HK1: variants seen among roughly 807,000 people sequenced by gnomAD.
HK1 encodes hexokinase-1.
A neutral mutation model predicts 91.6 loss-of-function variants in HK1; 28 were observed. The ratio of observed to expected loss-of-function variants is 0.31; its 90% CI spans 0.23 to 0.42. The LOEUF (loss-of-function observed/expected upper bound fraction) is 0.42, where lower values mean the gene tolerates loss of function less well. HK1 is among the 10% of genes least tolerant of loss of function. The probability of loss-of-function intolerance (pLI) is 1.00; values close to 1 mark genes in which losing one functional copy is unlikely to be tolerated. For missense variants in HK1, 770 were observed against 1,219.8 expected (o/e 0.63, Z 5.49); for synonymous variants, 430 against 468.1 (o/e 0.92, Z 1.05).
At chr10:69,317,978 G>A, upstream of HK1, 2 of 895,542 alleles carry the variant, frequency 2.2e-6, no homozygotes, top group Non-Finnish European at 1.3e-6. Context: ...ACCTGGGAAG[G>A]GGCGCTGAAC....
At chr10:69,295,565 C>G in intron 3 of HK1, 1 of 1,015,214 alleles carries the variant, frequency 9.9e-7, no homozygotes, top group South Asian at 1.3e-5. Context: ...TTATAAGCAT[C>G]AATATGTTGT....
intron 2 of HK1, among the ~76,000 whole-genome samples, chr10:69,285,378 T>C (rs1197862440): frequency 2.0e-5 from 3 of 151,940 alleles, no homozygotes; most frequent in South Asian, 2.1e-4. Context: ...AAGCCGAGAT[T>C]GCGCCACTGC....
intron 2 of HK1, among the ~76,000 whole-genome samples, chr10:69,351,147 C>G (rs1848841409): frequency 1.3e-5 from 2 of 151,376 alleles, no homozygotes; most frequent in Non-Finnish European, 2.9e-5. Flanking sequence ...TGCACTCCAG[C>G]CTGGGCGACA....
In HK1 at chr10:69,369,669, G is replaced by A. The variant is rs746394200; in HGVS notation, c.875+45G>A. 9 of 1,536,482 alleles carry A rather than the reference G, an allele frequency of 5.9e-6. No homozygotes were observed. The highest frequency in any genetic ancestry group is 8.1e-6 in the Non-Finnish European group (9 of 1,117,624). On this transcript the variant is annotated intron_variant, in intron 7 of 17. Coordinates refer to ENST00000359426, the MANE Select transcript of HK1 (RefSeq NM_000188.3). The surrounding 1 kb of genome is among the most constrained non-coding windows in gnomAD (Gnocchi z 4.4). The stretch of plus-strand genomic sequence containing the variant: ...TTCTAACCACATATGTGAGTTAGGG[G>A]ACATTTGATGAAAGATTTGGGATGG...
At chr10:69,348,324 T>C (rs1436828522) in intron 2 of HK1, among the ~76,000 whole-genome samples, 1 of 152,208 alleles carries the variant, frequency 6.6e-6, no homozygotes, top group East Asian at 1.9e-4. Context: ...TGTTTTCCAG[T>C]CAACGGAAGG....
chr10:69,374,050 C>T (rs1850156502), intron 7 of HK1, among the ~76,000 whole-genome samples: 1 of 152,212 alleles, frequency 6.6e-6, no homozygotes, highest in African/African-American at 2.4e-5. Flanking sequence ...ACAGCAAACG[C>T]TGGTGGTTGG....
chr10:69,386,631 A>G (rs888025748), intron 13 of HK1: 2 of 410,582 alleles, frequency 4.9e-6, no homozygotes, highest in South Asian at 2.1e-5. Flanking sequence ...AAGTTACACA[A>G]ATTAGCCAGG....
At chr10:69,308,698 C>T (rs746643707) in intron 5 of HK1, among the ~76,000 whole-genome samples, 9 of 152,094 alleles carry the variant, frequency 5.9e-5, no homozygotes, top group Non-Finnish European at 1.2e-4. Context: ...GGCTACCTGC[C>T]TTTAGTTTTG....
At chr10:69,361,843 G>A (rs1849439471) in intron 3 of HK1, among the ~76,000 whole-genome samples, 3 of 152,004 alleles carry the variant, frequency 2.0e-5, no homozygotes, top group Admixed American at 2.0e-4. Flanking sequence ...TTAAGACGGA[G>A]TTTTACTCTT....
chr10:69,298,585 G>A (rs1845689240), intron 4 of HK1, among the ~76,000 whole-genome samples: 1 of 151,704 alleles, frequency 6.6e-6, no homozygotes, highest in African/African-American at 2.4e-5. Flanking sequence ...TATGATTTGT[G>A]CCCCTGCACC....
chr10:69,303,855 AT>A (rs1370723342), intron 5 of HK1, among the ~76,000 whole-genome samples: 5 of 152,098 alleles, frequency 3.3e-5, no homozygotes, highest in Non-Finnish European at 5.9e-5. Context: ...GCATTTGGGG[AT>A]TGGAGTTTTA....
Position 69,368,601 on chromosome 10 carries a change from A to G in HK1, c.561A>G (p.Lys187=), listed in dbSNP as rs985488975. The G allele has an allele frequency of 1.2e-6, 2 of 1,614,008 alleles. No individual in the cohort carries two copies. Among genetic ancestry groups the G allele is most frequent in the Non-Finnish European group, 1.7e-6 (2 of 1,179,956 alleles). The change falls in exon 5 of 18, where the codon AAA becomes AAG. Residue 187 remains lysine (K), a synonymous_variant. Coordinates refer to ENST00000359426, the MANE Select transcript of HK1 (RefSeq NM_000188.3). ...GAGTGGAAGGAGCAGATGTGGTCAA[A>G]CTGCTTAACAAAGCCATCAAAAAGC... is the stretch of plus-strand genomic sequence containing the variant. ...ASGVEGADVV[K]LLNKAIKKRG... is the part of the protein sequence containing the mutation.
chr10:69,396,287 GAGAA>G (rs1460361717), intron 16 of HK1, among the ~76,000 whole-genome samples: 1 of 143,020 alleles, frequency 7.0e-6, no homozygotes, highest in Non-Finnish European at 1.5e-5. Context: ...AAAAAAAAAA[GAGAA>G]AGAAAAGAAA....
chr10:69,394,893 G>T lies in HK1; in HGVS notation c.2220-57G>T, dbSNP rs1051186050. 8.3e-6 allele frequency: 13 copies of T among 1,575,598 alleles called. No homozygotes were observed. In the African/African-American group the frequency reaches 9.4e-5, roughly 11 times the overall value. On this transcript the variant is annotated intron_variant, in intron 15 of 17. Transcript: ENST00000359426. ...CGCGGAGTGACCGTGAGACCGAGGG[G>T]TGACAGTTCTCCTGGCCACTTCCCA... is the stretch of plus-strand genomic sequence containing the variant.
chr10:69,347,043 C>CTT (rs776405511), intron 2 of HK1, among the ~76,000 whole-genome samples: 9 of 146,370 alleles, frequency 6.1e-5, no homozygotes, highest in Non-Finnish European at 1.2e-4. Flanking sequence ...TTTTCTTTTC[C>CTT]TTTTTTTTTT....
Position 69,379,969 on chromosome 10 carries a change from T to G in HK1, c.1139T>G (p.Phe380Cys). ...SVQHVCTIVS[F>C]RSANLVAATL... ...CAGCACGTTTGCACCATTGTCTCAT[T>G]TCGCTCAGCCAACTTGGTGGCTGCC... Residue 380 changes from phenylalanine (F) to cysteine (C), a missense_variant, in exon 9 of 18, where the codon TTT becomes TGT. Physicochemically the swap from Phe to Cys is radical, Grantham distance 205 (BLOSUM62 -2). This residue lies in a region of HK1 where 449 missense variants were observed against 665.1 expected (regional missense o/e 0.68). Transcript: ENST00000359426. 6.2e-7 allele frequency: 1 copy of G among 1,614,170 alleles called. No individual in the cohort carries two copies. The highest frequency in any genetic ancestry group is 8.5e-7 in the Non-Finnish European group (1 of 1,180,020).
rs562298703 is a variant in HK1, at chr10:69,301,080, T to C, written c.27+219T>C. Among the ~76,000 whole-genome samples the C allele has an allele frequency of 1.1e-3, 171 of 151,912 alleles. 2 individuals carry two copies. Among genetic ancestry groups the C allele is most frequent in the Admixed American group, 9.2e-3 (140 of 15,228 alleles). ...TTTCAGACTGGTGAAACCCAGTCTCTACTAAAAATACAAAAATTAGCCGGG... is the reference window on the plus strand; with the variant it reads ...TTTCAGACTGGTGAAACCCAGTCTCCACTAAAAATACAAAAATTAGCCGGG... On this transcript the variant is annotated intron_variant, in intron 5 of 21. Transcript: ENST00000360289.
At position 69,382,490 on chromosome 10, in the gene HK1, T is replaced by C. The variant is rs1217903699; in HGVS notation, c.1269T>C (p.Tyr423=). The part of the protein sequence containing the change: ...DGSLYKTHPQ[Y]SRRFHKTLRR... ...ATGTCCCCCCTGCCCCCATAAGGTA[T>C]TCCCGGCGTTTCCACAAGACTCTAA... Residue 423 remains tyrosine (Y), a synonymous_variant, in exon 10 of 18, where the codon TAT becomes TAC. Coordinates refer to ENST00000359426, the MANE Select transcript of HK1 (RefSeq NM_000188.3). 1.2e-6 allele frequency: 2 copies of C among 1,614,048 alleles called. No individual in the cohort carries two copies. The highest frequency in any genetic ancestry group is 1.3e-5 in the African/African-American group (1 of 74,938).
chr10:69,365,671 A>G (rs1447215309), intron 4 of HK1, among the ~76,000 whole-genome samples: 1 of 152,128 alleles, frequency 6.6e-6, no homozygotes, highest in Non-Finnish European at 1.5e-5. Flanking sequence ...TAAGTCCAGG[A>G]GTTCAAGACC....
Sources: allele counts gnomAD v4.1 joint callset (sites outside exome capture counted in the v4.1 genomes callset), GRCh38; gene constraint gnomAD v4.1.1; regional missense constraint gnomAD v4.1.1; non-coding constraint Gnocchi (gnomAD v3.1); transcripts MANE v1.5; gene names NCBI Gene and HGNC (gene_info 2026-07-23, HGNC 2026-07-21).